GAPVD1: variants seen among roughly 807,000 people sequenced by gnomAD.
The protein encoded by GAPVD1 is GTPase activating protein and VPS9 domains 1, also known as GTPase-activating protein and VPS9 domain-containing protein 1.
Under a neutral mutation model 155.5 loss-of-function variants are expected in GAPVD1, and 35 were observed. That is an observed-to-expected ratio of 0.23 (90% CI 0.17 to 0.30). The LOEUF (loss-of-function observed/expected upper bound fraction) is 0.30. Ranked by LOEUF, GAPVD1 falls within the 10% of genes least tolerant of loss-of-function variation. GAPVD1 has a pLI of 1.00. For missense variants in GAPVD1, 1,429 were observed against 1,775.7 expected (o/e 0.80, Z 3.51); for synonymous variants, 636 against 619.7 (o/e 1.03, Z -0.39).
At chr9:125,338,270 A>C (rs1847320736) in intron 17 of GAPVD1, among the ~76,000 whole-genome samples, 1 of 152,222 alleles carries the variant, frequency 6.6e-6, no homozygotes, top group Admixed American at 6.5e-5. Context: ...GCAAGTTGCC[A>C]ACCTGATGCT....
At chr9:125,276,757 G>A (rs780196059) in intron 2 of GAPVD1, among the ~76,000 whole-genome samples, 1 of 152,120 alleles carries the variant, frequency 6.6e-6, no homozygotes, top group Non-Finnish European at 1.5e-5. Flanking sequence ...AAATTTAGTT[G>A]CAGGTTTTTT....
intron 25 of GAPVD1, among the ~76,000 whole-genome samples, chr9:125,357,573 T>C (rs2132605875): frequency 6.6e-6 from 1 of 152,008 alleles, no homozygotes; most frequent in African/African-American, 2.4e-5. Context: ...AGTGAGACTC[T>C]GTCTAAAAAA....
chr9:125,344,277 T>C (rs1848230532), intron 19 of GAPVD1, among the ~76,000 whole-genome samples: 1 of 152,226 alleles, frequency 6.6e-6, no homozygotes, highest in African/African-American at 2.4e-5. Context: ...CGTGGCTTTT[T>C]CTTGACTGAA....
chr9:125,358,428 C>T (rs1245803422), intron 25 of GAPVD1, among the ~76,000 whole-genome samples: 1 of 152,134 alleles, frequency 6.6e-6, no homozygotes, highest in Non-Finnish European at 1.5e-5. Flanking sequence ...TTGAGCACTG[C>T]TTCATAACCC....
At chr9:125,302,957 G>A (rs1362370691) in intron 5 of GAPVD1, 131 bp downstream of exon 5, 2 of 1,041,136 alleles carry the variant, frequency 1.9e-6, no homozygotes, top group Non-Finnish European at 2.7e-6. Context: ...CCAGTCCTAA[G>A]TATTTGCATC....
intron 17 of GAPVD1, among the ~76,000 whole-genome samples, chr9:125,337,945 G>T (rs1407858265): frequency 1.3e-5 from 2 of 151,886 alleles, no homozygotes; most frequent in African/African-American, 4.8e-5. Flanking sequence ...GTGCAATCTT[G>T]GCTTACTGCT....
Position 125,362,895 on chromosome 9 carries a change from T to C in GAPVD1, c.*149T>C. 1.9e-6 allele frequency: 1 copy of C among 536,742 alleles called. No homozygotes were observed. Among genetic ancestry groups the C allele is most frequent in the Non-Finnish European group, 3.1e-6 (1 of 323,600 alleles). The allele number at this position is 536,742 out of a possible 1,614,324, so 33.2% of individuals were successfully genotyped here. ...TAAAGCAGATCTTTACTAAACAGGT[T>C]AATGAGCTAACAAGCAGGTTCTCTC... On this transcript the variant is annotated 3_prime_UTR_variant, in exon 28 of 28. Coordinates refer to ENST00000297933, the MANE Select transcript of GAPVD1 (RefSeq NM_001282680.3).
chr9:125,299,301 A>C (rs910814994), intron 4 of GAPVD1, among the ~76,000 whole-genome samples, 195 bp downstream of exon 4: 4 of 152,190 alleles, frequency 2.6e-5, no homozygotes, highest in African/African-American at 9.6e-5. Flanking sequence ...TTTATAGAAA[A>C]TTGTAACTTA....
intron 12 of GAPVD1, 147 bp from the exon 13 acceptor site, chr9:125,329,931 C>T: frequency 3.5e-6 from 2 of 563,836 alleles, no homozygotes; most frequent in Non-Finnish European, 6.3e-6. Context: ...ATCTGCCTGC[C>T]TCAGCCTCCC....
chr9:125,294,901 C>G (rs995910265), intron 2 of GAPVD1, among the ~76,000 whole-genome samples: 3 of 151,786 alleles, frequency 2.0e-5, no homozygotes, highest in African/African-American at 7.3e-5. Flanking sequence ...GTAACAGGAA[C>G]TTTAAGGAGT....
At chr9:125,350,575 T>C in intron 22 of GAPVD1, 138 bp from the exon 23 acceptor site, 1 of 681,788 alleles carries the variant, frequency 1.5e-6, no homozygotes, top group South Asian at 1.9e-5. Flanking sequence ...ATTAAAGTAT[T>C]TTCTAATTGG....
chr9:125,311,160 T>C (rs1014951748), intron 8 of GAPVD1, among the ~76,000 whole-genome samples: 6 of 152,260 alleles, frequency 3.9e-5, no homozygotes, highest in African/African-American at 1.4e-4. Context: ...GAAAAAAATA[T>C]TTTTCATCTG....
intron 3 of GAPVD1, among the ~76,000 whole-genome samples, chr9:125,296,611 C>A (rs1839921503): frequency 6.6e-6 from 1 of 150,624 alleles, no homozygotes; most frequent in African/African-American, 2.4e-5. Context: ...GCCTTGGCCT[C>A]CCAAAGTGCT....
At chr9:125,328,871 CGGGCA>C (rs1845629631) in intron 12 of GAPVD1, among the ~76,000 whole-genome samples, 1 of 152,192 alleles carries the variant, frequency 6.6e-6, no homozygotes, top group Admixed American at 6.5e-5. Context: ...GGCGGCTGGC[CGGGCA>C]GGGGGGCTCA....
chr9:125,339,365 G>T (rs1006688793), intron 17 of GAPVD1, among the ~76,000 whole-genome samples: 14 of 152,204 alleles, frequency 9.2e-5, no homozygotes, highest in African/African-American at 3.4e-4. Context: ...TTGGGCCAAT[G>T]AGAGCCCCTT....
Position 125,350,338 on chromosome 9 carries a change from T to C in GAPVD1, c.3343T>C (p.Ser1115Pro). Residue 1115 changes from serine (S) to proline (P), a missense_variant, in exon 22 of 28, where the codon TCT (serine) becomes CCT (proline). This residue lies in a region of GAPVD1 where 699 missense variants were observed against 826.0 expected (regional missense o/e 0.85). Transcript: ENST00000297933. ...KLRLALCSAD[S>P]VAFPVLTHST... ...GAGGCTTGCTCTTTGCTCTGCGGACTCTGTTGCCTTCCCAGTGCTGACCCA... is the reference window on the plus strand; with the variant it reads ...GAGGCTTGCTCTTTGCTCTGCGGACCCTGTTGCCTTCCCAGTGCTGACCCA... 6.3e-7 allele frequency: 1 copy of C among 1,594,744 alleles called. No homozygotes were observed. The highest frequency in any genetic ancestry group is 8.5e-7 in the Non-Finnish European group (1 of 1,175,502).
At chr9:125,337,721 A>G in intron 17 of GAPVD1, 130 bp downstream of exon 17, 4 of 952,060 alleles carry the variant, frequency 4.2e-6, no homozygotes, top group Non-Finnish European at 4.6e-6. Flanking sequence ...ATGATTTGTC[A>G]ATCTATGGGC....
intron 1 of GAPVD1, among the ~76,000 whole-genome samples, chr9:125,268,553 G>T (rs1834367078): frequency 1.4e-5 from 2 of 140,802 alleles, no homozygotes; most frequent in Non-Finnish European, 1.5e-5. Context: ...AGGCTGGAGT[G>T]CAGTAACGCT....
chr9:125,317,451 C>T (rs1843614161), intron 9 of GAPVD1, among the ~76,000 whole-genome samples: 1 of 151,348 alleles, frequency 6.6e-6, no homozygotes, highest in African/African-American at 2.4e-5. Context: ...CATGGAGAAA[C>T]CCTGTCTCTA....
Sources: gnomAD v4.1 joint callset for allele counts (sites outside exome capture counted in the v4.1 genomes callset) on GRCh38, gnomAD v4.1.1 for gene constraint, gnomAD v4.1.1 regional missense constraint, MANE v1.5 for transcripts, NCBI Gene and HGNC (gene_info 2026-07-23, HGNC 2026-07-21) for gene names.